The following CSMD1 variants were observed in gnomAD, a reference collection of about 807,000 sequenced individuals.
The protein encoded by CSMD1 is CUB and sushi domain-containing protein 1.
In CSMD1, 213 loss-of-function variants were observed where a neutral mutation model predicts 417.5. The observed-to-expected ratio is 0.51, with a 90% CI of 0.46 to 0.57. The LOEUF (loss-of-function observed/expected upper bound fraction) is 0.57, where lower values mean the gene tolerates loss of function less well. Ranked by LOEUF, CSMD1 falls within the 20% of genes least tolerant of loss-of-function variation. The probability of loss-of-function intolerance (pLI) is 0.00; values close to 1 mark genes in which losing one functional copy is unlikely to be tolerated. For synonymous variants in CSMD1, 2,862 were observed against 1,736.8 expected (o/e 1.65, Z -16.11); for missense variants, 6,923 against 4,529.7 (o/e 1.53, Z -15.17).
chr8:4,240,079 A>T lies in CSMD1; in HGVS notation c.415+179874T>A, dbSNP rs113275356. 2.8e-3 allele frequency among the ~76,000 whole-genome samples: 429 copies of T among 152,364 alleles called. 3 individuals are homozygous for T. The highest frequency in any genetic ancestry group is 9.7e-3 in the African/African-American group (404 of 41,590). ...TTTTTATTACTCAATTAAGCTTTAA[A>T]TAAAGCTTCTTAAATACTAAACCAA... On this transcript the variant is annotated intron_variant, in intron 3 of 69. Transcript: ENST00000635120.
intron 2 of CSMD1, among the ~76,000 whole-genome samples, chr8:4,454,588 G>A (rs897543112): frequency 6.6e-6 from 1 of 152,182 alleles, no homozygotes; most frequent in Non-Finnish European, 1.5e-5. Flanking sequence ...CACTGATTTA[G>A]GGCTGGCTGG....
At chr8:3,420,366 A>G (rs1033200861) in intron 12 of CSMD1, among the ~76,000 whole-genome samples, 1 of 151,948 alleles carries the variant, frequency 6.6e-6, no homozygotes, top group African/African-American at 2.4e-5. Flanking sequence ...CAGATGAGGC[A>G]AGACAATTAA....
chr8:4,292,550 C>T (rs889167670), intron 3 of CSMD1, among the ~76,000 whole-genome samples: 3 of 152,128 alleles, frequency 2.0e-5, no homozygotes, highest in African/African-American at 4.8e-5. Context: ...AGCCACCGTG[C>T]CCGCCCGAAT....
At chr8:3,977,421 C>T (rs1156264210) in intron 5 of CSMD1, among the ~76,000 whole-genome samples, 1 of 152,078 alleles carries the variant, frequency 6.6e-6, no homozygotes, top group Non-Finnish European at 1.5e-5. Flanking sequence ...TGTTGTTGTT[C>T]CTGTTTTTTC....
chr8:4,905,996 G>C (rs1805245795), intron 1 of CSMD1, among the ~76,000 whole-genome samples: 1 of 151,888 alleles, frequency 6.6e-6, no homozygotes, highest in Non-Finnish European at 1.5e-5. Flanking sequence ...CACCACTTTT[G>C]GCAGGAAGTC....
intron 3 of CSMD1, among the ~76,000 whole-genome samples, chr8:4,371,103 T>C (rs1489188775): frequency 6.6e-6 from 1 of 152,200 alleles, no homozygotes; most frequent in African/African-American, 2.4e-5. Flanking sequence ...CATTTTGTTT[T>C]TATGGTCTTT....
intron 3 of CSMD1, among the ~76,000 whole-genome samples, chr8:4,353,815 C>T (rs571176951): frequency 6.6e-6 from 1 of 152,252 alleles, no homozygotes; most frequent in East Asian, 1.9e-4. Flanking sequence ...ATCATTAAAA[C>T]CAGTGTTCTT....
chr8:4,060,333 TATC>T (rs1309334999), intron 3 of CSMD1, among the ~76,000 whole-genome samples: 5 of 152,204 alleles, frequency 3.3e-5, no homozygotes, highest in Non-Finnish European at 7.3e-5. Context: ...CCACAGCCGA[TATC>T]ATACTGAATG....
intron 3 of CSMD1, among the ~76,000 whole-genome samples, chr8:4,299,659 G>C (rs1018154023): frequency 5.9e-5 from 9 of 152,126 alleles, no homozygotes; most frequent in Admixed American, 5.9e-4. Flanking sequence ...CTTTGAGATG[G>C]AGTCTCATTC....
intron 1 of CSMD1, among the ~76,000 whole-genome samples, chr8:4,742,212 A>ACAAAATACAAAACCTG (rs1156683526): frequency 3.3e-5 from 5 of 150,326 alleles, no homozygotes; most frequent in African/African-American, 1.2e-4. Context: ...TTGTATTTTT[A>ACAAAATACAAAACCTG]GTAGAGACGG....
intron 1 of CSMD1, among the ~76,000 whole-genome samples, chr8:4,798,322 C>A (rs1798093467): frequency 6.6e-6 from 1 of 152,182 alleles, no homozygotes; most frequent in South Asian, 2.1e-4. Flanking sequence ...TCATCCATGT[C>A]CCTACAAAGG....
At chr8:3,521,478 T>A (rs189588067) in intron 10 of CSMD1, among the ~76,000 whole-genome samples, 1 of 152,320 alleles carries the variant, frequency 6.6e-6, no homozygotes, top group East Asian at 1.9e-4. Flanking sequence ...ATAGCATTGT[T>A]CCTTGCTGTG....
intron 12 of CSMD1, among the ~76,000 whole-genome samples, chr8:3,451,166 G>C (rs1357944583): frequency 6.6e-6 from 1 of 152,124 alleles, no homozygotes; most frequent in Non-Finnish European, 1.5e-5. Flanking sequence ...GGGGTTGCTT[G>C]TTTTCTTCTT....
At chr8:4,782,006 T>A (rs1257914154) in intron 1 of CSMD1, among the ~76,000 whole-genome samples, 1 of 152,206 alleles carries the variant, frequency 6.6e-6, no homozygotes, top group Admixed American at 6.5e-5. Flanking sequence ...CACTCTTGCC[T>A]CTATTTATGC....
At chr8:3,129,889 G>T (rs1286795485) in intron 41 of CSMD1, among the ~76,000 whole-genome samples, 1 of 151,980 alleles carries the variant, frequency 6.6e-6, no homozygotes, top group East Asian at 1.9e-4. Context: ...TTCAGCATGG[G>T]AGAATCACCT....
chr8:4,772,196 G>C (rs905403407), intron 1 of CSMD1, among the ~76,000 whole-genome samples: 2 of 152,066 alleles, frequency 1.3e-5, no homozygotes, highest in African/African-American at 4.8e-5. Context: ...TGATGTCCAC[G>C]CATCATTCTC....
At chr8:4,098,660 C>A (rs868358753) in intron 3 of CSMD1, among the ~76,000 whole-genome samples, 1 of 152,154 alleles carries the variant, frequency 6.6e-6, no homozygotes, top group Non-Finnish European at 1.5e-5. Flanking sequence ...GTTTTTAATT[C>A]TTCACTGTCT....
intron 5 of CSMD1, among the ~76,000 whole-genome samples, chr8:3,938,582 A>C (rs118131409): frequency 6.6e-6 from 1 of 152,080 alleles, no homozygotes; most frequent in South Asian, 2.1e-4. Flanking sequence ...TTTTTCAGGC[A>C]TTTCTTGGAA....
At chr8:3,890,400 AG>A in intron 5 of CSMD1, among the ~76,000 whole-genome samples, 1 of 152,040 alleles carries the variant, frequency 6.6e-6, no homozygotes, top group Non-Finnish European at 1.5e-5. Context: ...ACAAAGACAA[AG>A]GGGACATCAG....
Sources: gnomAD v4.1 joint callset for allele counts (sites outside exome capture counted in the v4.1 genomes callset) on GRCh38, gnomAD v4.1.1 for gene constraint, MANE v1.5 for transcripts, NCBI Gene and HGNC (gene_info 2026-07-23, HGNC 2026-07-21) for gene names.